Variants in CBX5 observed in about 807,000 individuals in gnomAD.
The protein encoded by CBX5 is chromobox 5, also known as chromobox protein homolog 5.
A neutral mutation model predicts 20.7 loss-of-function variants in CBX5; 7 were observed. The observed-to-expected ratio is 0.34, with a 90% confidence interval of 0.19 to 0.63. CBX5 has a LOEUF of 0.63. Ranked by LOEUF, CBX5 falls within the 30% of genes least tolerant of loss-of-function variation. The pLI is 0.75. For synonymous variants in CBX5, 78 were observed against 77.0 expected, an observed-to-expected ratio of 1.01 and a Z score of -0.07; for missense variants, 110 against 224.1, an observed-to-expected ratio of 0.49 and a Z score of 3.25.
intron 3 of CBX5, among the ~76,000 whole-genome samples, chr12:54,251,041 G>A (rs35404327): frequency 1.3e-5 from 2 of 151,778 alleles, no homozygotes; most frequent in African/African-American, 4.8e-5. Flanking sequence ...TGAGGCAGGA[G>A]AACTGCTTGA....
At chr12:54,277,477 T>C (rs2137034993) in intron 1 of CBX5, among the ~76,000 whole-genome samples, 1 of 152,206 alleles carries the variant, frequency 6.6e-6, no homozygotes, top group South Asian at 2.1e-4. Context: ...AGTGCTGGGA[T>C]TACAGACATG....
At chr12:54,273,432 G>T (rs2137032263) in intron 1 of CBX5, 1 of 152,270 alleles carries the variant, frequency 6.6e-6, no homozygotes, top group African/African-American at 2.4e-5. Context: ...GACAAAGCGA[G>T]ACTCTGTCTC....
At position 54,234,799 on chromosome 12, in the gene CBX5, T is replaced by A. The variant is rs990370657; in HGVS notation, c.*6956A>T. 2 of 152,182 alleles carry A rather than the reference T, an allele frequency of 1.3e-5. No individual in the cohort carries two copies. The highest frequency in any genetic ancestry group is 2.9e-5 in the Non-Finnish European group (2 of 68,042). The allele number at this position is 152,182 out of a possible 1,614,324, so 9.4% of individuals were successfully genotyped here. ...CTTCCCATAAAACAAGACTTTAAAC[T>A]ATTTTAAAACATTTCTCTTGACAGA... is the stretch of plus-strand genomic sequence containing the variant. On this transcript the variant is annotated 3_prime_UTR_variant, in exon 5 of 5. Coordinates refer to ENST00000209875, the MANE Select transcript of CBX5 (RefSeq NM_012117.3).
Position 54,233,318 on chromosome 12 carries a change from A to G in CBX5, c.*8437T>C, listed in dbSNP as rs993677324. 1.6e-4 allele frequency: 25 copies of G among 152,216 alleles called. No homozygotes were observed. The highest frequency in any genetic ancestry group is 5.5e-4 in the African/African-American group (23 of 41,538). 9.4% of individuals were successfully genotyped at this position (152,216 alleles called of 1,614,324 possible). A position where few individuals can be genotyped will look rare whatever the true frequency, so the allele number is the denominator to read the frequency against. Reference sequence around the variant, plus strand: ...AGTTATGTCTTTTCTCCCCCTTTGGATTTACTTTGGATTCTGGTAGAAATC... The same window carrying G: ...AGTTATGTCTTTTCTCCCCCTTTGGGTTTACTTTGGATTCTGGTAGAAATC... On this transcript the variant is annotated 3_prime_UTR_variant, in exon 5 of 5. Transcript: ENST00000209875.
chr12:54,279,803 CCAGT>C (rs1944115360), intron 1 of CBX5, among the ~76,000 whole-genome samples: 1 of 152,222 alleles, frequency 6.6e-6, no homozygotes, highest in African/African-American at 2.4e-5. Flanking sequence ...TATACACAAG[CCAGT>C]CAAAGTCTTC....
intron 1 of CBX5, among the ~76,000 whole-genome samples, chr12:54,270,017 T>C (rs1437396548): frequency 1.3e-5 from 2 of 152,228 alleles, no homozygotes; most frequent in Non-Finnish European, 2.9e-5. Flanking sequence ...TATTCCTTAG[T>C]TCCTAATATT....
chr12:54,252,910 G>A (rs1305104264), intron 2 of CBX5, among the ~76,000 whole-genome samples: 1 of 151,268 alleles, frequency 6.6e-6, no homozygotes, highest in Admixed American at 6.6e-5. Context: ...GCTTGAGCCC[G>A]GGAAGGGGAG....
intron 2 of CBX5, among the ~76,000 whole-genome samples, chr12:54,252,898 T>C (rs925449500): frequency 2.7e-5 from 4 of 150,388 alleles, no homozygotes; most frequent in Non-Finnish European, 5.9e-5. Flanking sequence ...GGCAGGAGAA[T>C]TGCTTGAGCC....
chr12:54,246,096 G>A lies in CBX5; in HGVS notation c.425+19C>T, dbSNP rs756316874. On this transcript the variant is annotated intron_variant, in intron 4 of 4. Coordinates refer to ENST00000209875, the MANE Select transcript of CBX5 (RefSeq NM_012117.3). ...TGGCAAAGAAACACAATTGTAAAGC[G>A]AAGCCAAATCTCTCTCACCATTTCA... 1.0e-5 allele frequency: 16 copies of A among 1,555,594 alleles called. No homozygotes were observed. The highest frequency in any genetic ancestry group is 1.4e-5 in the African/African-American group (1 of 73,752).
At chr12:54,265,795 C>A (rs1328337644) in intron 1 of CBX5, among the ~76,000 whole-genome samples, 1 of 152,210 alleles carries the variant, frequency 6.6e-6, no homozygotes, top group Non-Finnish European at 1.5e-5. Context: ...GTAATCCCAG[C>A]ACTTTGGGAG....
At chr12:54,276,909 G>A (rs1328933864) in intron 1 of CBX5, 2 of 152,196 alleles carry the variant, frequency 1.3e-5, no homozygotes, top group Admixed American at 6.5e-5. Context: ...CTAGAATCAA[G>A]TGAAAAAGAA....
At chr12:54,275,738 G>A (rs1944058093) in intron 1 of CBX5, among the ~76,000 whole-genome samples, 1 of 151,276 alleles carries the variant, frequency 6.6e-6, no homozygotes, top group African/African-American at 2.4e-5. Context: ...GGGCACAGTG[G>A]CTCACACCTG....
intron 2 of CBX5, among the ~76,000 whole-genome samples, chr12:54,255,136 G>A (rs1028930656): frequency 6.6e-6 from 1 of 152,144 alleles, no homozygotes; most frequent in African/African-American, 2.4e-5. Flanking sequence ...TTTAAAAAGA[G>A]CCTGGGTTGG....
At chr12:54,249,053 A>G (rs1229767782) in intron 3 of CBX5, among the ~76,000 whole-genome samples, 1 of 152,178 alleles carries the variant, frequency 6.6e-6, no homozygotes, top group Non-Finnish European at 1.5e-5. Flanking sequence ...GCTCCAAGCC[A>G]GATTATTCAG....
rs529101893 is a variant in CBX5 at position 54,251,259 on chromosome 12, G to C, written c.324+782C>G. On this transcript the variant is annotated intron_variant, in intron 3 of 4. Transcript: ENST00000209875. ...GCGGATCACGAGGTCAGGAGTTCAA[G>C]ACCAGCCTGACCAACATGGCGAAAC... Among the ~76,000 whole-genome samples, 4 of 152,132 alleles carry C rather than the reference G, an allele frequency of 2.6e-5. No individual in the cohort carries two copies. In the South Asian group the frequency reaches 8.3e-4, roughly 32 times the overall value.
In CBX5 at chr12:54,240,322, T is replaced by G. The variant is rs183498363; in HGVS notation, c.*1433A>C. Reference sequence around the variant, plus strand: ...ATTTTGCTGAGTAAGAAGAAAAGGGTGTGTCAACATGCTAATGCCAGGGCC... The same window carrying G: ...ATTTTGCTGAGTAAGAAGAAAAGGGGGTGTCAACATGCTAATGCCAGGGCC... On this transcript the variant is annotated 3_prime_UTR_variant, in exon 5 of 5. Coordinates refer to ENST00000209875, the MANE Select transcript of CBX5 (RefSeq NM_012117.3). The G allele has an allele frequency of 6.6e-6, 1 of 152,062 alleles. No homozygotes were observed. The highest frequency in any genetic ancestry group is 1.9e-4 in the East Asian group (1 of 5,176). 9.4% of individuals were successfully genotyped at this position (152,062 alleles called of 1,614,324 possible).
chr12:54,271,609 C>G (rs1404081512), intron 1 of CBX5, among the ~76,000 whole-genome samples: 3 of 152,230 alleles, frequency 2.0e-5, no homozygotes, highest in Admixed American at 1.3e-4. Context: ...CAGGCGTGAG[C>G]CACTGCACCT....
intron 1 of CBX5, chr12:54,272,042 G>A (rs1016055540): frequency 2.6e-5 from 4 of 152,170 alleles, no homozygotes; most frequent in African/African-American, 2.4e-5. Context: ...GATGAGAAAC[G>A]AGGCACAGAG....
chr12:54,255,071 A>G (rs1943849557), intron 2 of CBX5, among the ~76,000 whole-genome samples: 2 of 152,138 alleles, frequency 1.3e-5, no homozygotes, highest in Admixed American at 6.6e-5. Context: ...TTTTCCTAAC[A>G]CTTTGGTACT....
Sources: allele counts gnomAD v4.1 joint callset (sites outside exome capture counted in the v4.1 genomes callset), GRCh38; gene constraint gnomAD v4.1.1; transcripts MANE v1.5; gene names NCBI Gene and HGNC (gene_info 2026-07-23, HGNC 2026-07-21).